The following RBFOX1 variants were observed in gnomAD, a reference collection of about 807,000 sequenced individuals.
RBFOX1 encodes the protein RNA binding protein fox-1 homolog 1.
Under a neutral mutation model 57.7 loss-of-function variants are expected in RBFOX1, and 8 were observed. The ratio of observed to expected loss-of-function variants is 0.14; its 90% CI spans 0.08 to 0.25. The LOEUF is 0.25. RBFOX1 is among the 10% of genes least tolerant of loss of function. The probability of loss-of-function intolerance (pLI) is 1.00; values close to 1 mark genes in which losing one functional copy is unlikely to be tolerated. For missense variants in RBFOX1, 611 were observed against 548.5 expected (o/e 1.11, Z -1.14); for synonymous variants, 326 against 222.4 (o/e 1.47, Z -4.15).
chr16:6,175,518 G>C (rs969047246), intron 1 of RBFOX1, among the ~76,000 whole-genome samples: 1 of 152,140 alleles, frequency 6.6e-6, no homozygotes, highest in African/African-American at 2.4e-5. Context: ...GGGTGGGGGC[G>C]AGAGGATGGG....
chr16:7,246,091 C>G (rs531692365), intron 4 of RBFOX1, among the ~76,000 whole-genome samples: 1 of 151,014 alleles, frequency 6.6e-6, no homozygotes, highest in South Asian at 2.1e-4. Flanking sequence ...TTTATCTAAG[C>G]AAATATTTTG....
intron 1 of RBFOX1, among the ~76,000 whole-genome samples, chr16:6,077,711 C>G (rs28367153): frequency 1.8e-5 from 1 of 55,638 alleles, no homozygotes; most frequent in African/African-American, 4.5e-5. Context: ...TTTATTTATT[C>G]ATTTATGTAT....
At chr16:7,364,565 T>C (rs931615283) in intron 4 of RBFOX1, among the ~76,000 whole-genome samples, 6 of 122,716 alleles carry the variant, frequency 4.9e-5, no homozygotes, top group African/African-American at 1.6e-4. Flanking sequence ...TCACATGATA[T>C]CAAGAAGACC....
intron 4 of RBFOX1, among the ~76,000 whole-genome samples, chr16:7,309,134 G>C (rs1270561777): frequency 6.6e-6 from 1 of 152,194 alleles, no homozygotes; most frequent in Non-Finnish European, 1.5e-5. Flanking sequence ...TAGAAGAAAG[G>C]TCCCTCAGTC....
chr16:5,953,565 C>G (rs761567004), intron 4 of RBFOX1, among the ~76,000 whole-genome samples: 1 of 152,134 alleles, frequency 6.6e-6, no homozygotes, highest in Non-Finnish European at 1.5e-5. Flanking sequence ...TAGCTTAGCT[C>G]CCACTTATGA....
At chr16:6,209,766 C>A (rs569665363) in intron 1 of RBFOX1, among the ~76,000 whole-genome samples, 3 of 152,146 alleles carry the variant, frequency 2.0e-5, no homozygotes, top group African/African-American at 7.2e-5. Flanking sequence ...GGTCGTGAAC[C>A]AGATGATGTC....
intron 5 of RBFOX1, among the ~76,000 whole-genome samples, chr16:7,573,128 A>G (rs1164916808): frequency 4.6e-5 from 7 of 152,158 alleles, no homozygotes; most frequent in African/African-American, 1.2e-4. Context: ...GGTTTCTCCA[A>G]TGGGTGACAC....
chr16:6,909,520 C>T (rs1187557605), intron 3 of RBFOX1, among the ~76,000 whole-genome samples: 4 of 152,226 alleles, frequency 2.6e-5, no homozygotes, highest in African/African-American at 7.2e-5. Context: ...TCTCTAAAGG[C>T]GTTCCACCTG....
chr16:5,275,283 A>G (rs1213005389), intron 1 of RBFOX1, among the ~76,000 whole-genome samples: 1 of 152,182 alleles, frequency 6.6e-6, no homozygotes, highest in African/African-American at 2.4e-5. Context: ...TCAAACATTG[A>G]TCATTTCTTT....
chr16:5,848,962 AC>A (rs2056823442), intron 3 of RBFOX1, among the ~76,000 whole-genome samples: 1 of 143,706 alleles, frequency 7.0e-6, no homozygotes, highest in Non-Finnish European at 1.6e-5. Context: ...AAACAAAAAA[AC>A]AAAAAAACAA....
intron 4 of RBFOX1, among the ~76,000 whole-genome samples, chr16:7,368,206 G>T (rs1175313292): frequency 1.3e-5 from 2 of 150,582 alleles, no homozygotes; most frequent in Non-Finnish European, 2.9e-5. Flanking sequence ...GGTGGAGGTT[G>T]CAATAAGCCA....
At chr16:6,280,950 C>CAT (rs1191421597) in intron 1 of RBFOX1, among the ~76,000 whole-genome samples, 2 of 142,610 alleles carry the variant, frequency 1.4e-5, no homozygotes, top group East Asian at 4.2e-4. Flanking sequence ...ATGCTAGCAA[C>CAT]ATATGTGTGT....
intron 3 of RBFOX1, among the ~76,000 whole-genome samples, chr16:7,007,313 C>G (rs1435713481): frequency 1.3e-5 from 2 of 152,166 alleles, no homozygotes; most frequent in African/African-American, 2.4e-5. Context: ...ACGAATGCAT[C>G]TCATCCTTGA....
At position 7,173,336 on chromosome 16, in the gene RBFOX1, A is replaced by G. The variant is rs567334419; in HGVS notation, c.27+121238A>G. Among the ~76,000 whole-genome samples the G allele has an allele frequency of 3.9e-5, 6 of 152,304 alleles. No homozygotes were observed. In the South Asian group the frequency reaches 1.2e-3, roughly 32 times the overall value. On this transcript the variant is annotated intron_variant, in intron 4 of 15. Transcript: ENST00000550418. ...CTAATAGCTGGAGCTCAGTGCCACC[A>G]TCCACAACAGATGTCCTTCCAAACT...
intron 9 of RBFOX1, among the ~76,000 whole-genome samples, 197 bp downstream of exon 9, chr16:7,597,628 G>A (rs193037338): frequency 1.3e-5 from 2 of 152,352 alleles, no homozygotes; most frequent in African/African-American, 2.4e-5. Context: ...TTCAGGTTAA[G>A]TGTGCCTGCC....
At chr16:5,607,478 C>T (rs867304890) in intron 3 of RBFOX1, among the ~76,000 whole-genome samples, 1 of 152,174 alleles carries the variant, frequency 6.6e-6, no homozygotes, top group South Asian at 2.1e-4. Flanking sequence ...CCCCTAATCT[C>T]TGAGGATGGC....
intron 2 of RBFOX1, among the ~76,000 whole-genome samples, chr16:5,528,180 C>T (rs530603107): frequency 3.3e-5 from 5 of 152,232 alleles, no homozygotes; most frequent in East Asian, 1.9e-4. Context: ...AGGTTCTGCT[C>T]GAGACATTCC....
intron 1 of RBFOX1, among the ~76,000 whole-genome samples, chr16:5,462,487 A>T (rs968815549): frequency 1.3e-5 from 2 of 152,100 alleles, no homozygotes; most frequent in Non-Finnish European, 2.9e-5. Context: ...TGAGTTTCTA[A>T]TGCACATGGA....
intron 3 of RBFOX1, among the ~76,000 whole-genome samples, chr16:6,899,019 C>CCGTA (rs59056535): frequency 0.43 from 65,120 of 150,214 alleles, 14,885 homozygotes; most frequent in East Asian, 0.65. Flanking sequence ...ATGCGCGTCT[C>CCGTA]TGTGTGTGTG....
Sources: allele counts gnomAD v4.1 joint callset (sites outside exome capture counted in the v4.1 genomes callset), GRCh38; gene constraint gnomAD v4.1.1; transcripts MANE v1.5; gene names NCBI Gene and HGNC (gene_info 2026-07-23, HGNC 2026-07-21).